The following RTTN variants were observed in gnomAD, a reference collection of about 807,000 sequenced individuals.
RTTN encodes the protein rotatin.
A neutral mutation model predicts 269.2 loss-of-function variants in RTTN; 182 were observed. The ratio of observed to expected loss-of-function variants is 0.68; its 90% CI spans 0.60 to 0.76. The LOEUF is 0.76. Among genes scored for constraint, RTTN ranks in the 30% least tolerant of loss-of-function variants. RTTN has a pLI of 0.00. For synonymous variants in RTTN, 1,006 were observed against 963.5 expected (o/e 1.04, Z -0.82); for missense variants, 2,545 against 2,608.6 (o/e 0.98, Z 0.53).
Position 70,176,701 on chromosome 18 carries a change from G to A in RTTN, c.1450C>T (p.Leu484=). The A allele has an allele frequency of 2.5e-6, 4 of 1,613,762 alleles. No individual in the cohort carries two copies. The highest frequency in any genetic ancestry group is 3.4e-6 in the Non-Finnish European group (4 of 1,179,822). Residue 484 remains leucine, a synonymous_variant, in exon 11 of 49, where the codon CTA becomes TTA. Transcript: ENST00000640769. ...TTTTCAACAGGGAGAAGCGTTTGTA[G>A]CAGTCGAACTGCAAACAGGGAAATG... is the stretch of plus-strand genomic sequence containing the variant. The part of the protein sequence containing the change: ...ISISLFAVRL[L]QTLLPVEKAS...
chr18:70,060,556 C>T (rs1009886299), intron 35 of RTTN, among the ~76,000 whole-genome samples: 3 of 152,146 alleles, frequency 2.0e-5, no homozygotes, highest in African/African-American at 7.2e-5. Flanking sequence ...ATGCTCAAAT[C>T]AAGGTAACTG....
At chr18:70,094,361 T>C (rs1209340204) in intron 28 of RTTN, among the ~76,000 whole-genome samples, 2 of 152,182 alleles carry the variant, frequency 1.3e-5, no homozygotes, top group African/African-American at 4.8e-5. Context: ...TTGTTTGCCA[T>C]TGCTTCTCTA....
intron 37 of RTTN, among the ~76,000 whole-genome samples, chr18:70,054,952 C>G (rs1235733693): frequency 6.6e-6 from 1 of 152,070 alleles, no homozygotes; most frequent in Admixed American, 6.5e-5. Flanking sequence ...CAAAAACACC[C>G]TTCAAAGTGC....
At chr18:70,092,588 G>T in intron 29 of RTTN, 88 bp downstream of exon 29, 1 of 1,437,658 alleles carries the variant, frequency 7.0e-7, no homozygotes, top group Non-Finnish European at 9.4e-7. Flanking sequence ...ATTTTCATGT[G>T]GCAAGTTTAT....
At chr18:70,071,201 T>G (rs1319510908) in intron 34 of RTTN, among the ~76,000 whole-genome samples, 2 of 152,122 alleles carry the variant, frequency 1.3e-5, no homozygotes, top group African/African-American at 4.8e-5. Context: ...TTTTGCAAAA[T>G]AGTAACAATG....
At chr18:70,189,655 T>C (rs1035754379) in intron 9 of RTTN, among the ~76,000 whole-genome samples, 1 of 152,190 alleles carries the variant, frequency 6.6e-6, no homozygotes, top group Non-Finnish European at 1.5e-5. Context: ...CAGGCAAGTT[T>C]CTAAACCACT....
Position 70,049,656 on chromosome 18 carries a change from A to G in RTTN, c.5324-1468T>C, listed in dbSNP as rs373537909. On this transcript the variant is annotated intron_variant, in intron 39 of 48. Coordinates refer to ENST00000640769, the MANE Select transcript of RTTN (RefSeq NM_173630.4). ...AGCTTAAAATAACTCAATTTTGAGT[A>G]CATTTAAGTAGGTTGTTTAAAAAGG... 3.9e-5 allele frequency among the ~76,000 whole-genome samples: 6 copies of G among 152,330 alleles called. No individual in the cohort carries two copies. The East Asian group carries it at 9.6e-4, about 24-fold the overall frequency.
At chr18:70,083,025 T>G (rs1399386882) in intron 32 of RTTN, among the ~76,000 whole-genome samples, 3 of 152,164 alleles carry the variant, frequency 2.0e-5, no homozygotes, top group African/African-American at 2.4e-5. Flanking sequence ...TGAGTTTGAC[T>G]CAAGAACAAG....
intron 26 of RTTN, among the ~76,000 whole-genome samples, chr18:70,120,298 T>C (rs1293563352): frequency 6.6e-6 from 1 of 152,018 alleles, no homozygotes; most frequent in Non-Finnish European, 1.5e-5. Flanking sequence ...ACCCCATAAC[T>C]GTAAGAAATA....
chr18:70,126,579 G>C (rs2059871094), intron 25 of RTTN, among the ~76,000 whole-genome samples: 1 of 152,040 alleles, frequency 6.6e-6, no homozygotes, highest in Admixed American at 6.6e-5. Context: ...ATAACCTCAA[G>C]AACAAAGATA....
At chr18:70,127,942 A>C in intron 24 of RTTN, 1 of 561,314 alleles carries the variant, frequency 1.8e-6, no homozygotes, top group Non-Finnish European at 3.1e-6. Context: ...GTTTATATTG[A>C]CTTTTCCTCC....
chr18:70,196,913 T>A (rs1332499910), intron 6 of RTTN, among the ~76,000 whole-genome samples: 1 of 152,234 alleles, frequency 6.6e-6, no homozygotes, highest in Non-Finnish European at 1.5e-5. Flanking sequence ...GTAACCATTC[T>A]GAGAGAAGAC....
At chr18:70,201,460 T>C (rs2061943830) in intron 4 of RTTN, among the ~76,000 whole-genome samples, 1 of 151,160 alleles carries the variant, frequency 6.6e-6, no homozygotes, top group South Asian at 2.1e-4. Flanking sequence ...TACAAAAAAT[T>C]AGCTGGGCGT....
chr18:70,099,745 A>G (rs1361604110), intron 28 of RTTN, among the ~76,000 whole-genome samples: 1 of 152,104 alleles, frequency 6.6e-6, no homozygotes, highest in East Asian at 1.9e-4. Context: ...TCCATCTTGA[A>G]TTAATTTTTG....
At chr18:70,100,646 T>C (rs2059134779) in intron 28 of RTTN, among the ~76,000 whole-genome samples, 1 of 152,176 alleles carries the variant, frequency 6.6e-6, no homozygotes, top group Non-Finnish European at 1.5e-5. Context: ...GGCATCCCTG[T>C]CTTGTGCCAG....
intron 26 of RTTN, among the ~76,000 whole-genome samples, chr18:70,120,249 C>T (rs889909678): frequency 7.2e-5 from 11 of 152,090 alleles, no homozygotes; most frequent in African/African-American, 2.4e-4. Context: ...TGCAAGAAGG[C>T]TCTCACCAGA....
intron 21 of RTTN, among the ~76,000 whole-genome samples, chr18:70,135,915 G>C (rs1222492648): frequency 6.6e-6 from 1 of 152,124 alleles, no homozygotes; most frequent in South Asian, 2.1e-4. Context: ...TCCCACTTCT[G>C]TAATGATCCC....
chr18:70,029,646 A>G (rs928237180), intron 42 of RTTN, among the ~76,000 whole-genome samples: 2 of 152,224 alleles, frequency 1.3e-5, no homozygotes, highest in African/African-American at 4.8e-5. Flanking sequence ...GCTGACATAT[A>G]GAAAACTCTT....
chr18:70,196,439 G>A, intron 7 of RTTN, 62 bp downstream of exon 7: 2 of 1,448,332 alleles, frequency 1.4e-6, no homozygotes, highest in Non-Finnish European at 1.9e-6. Flanking sequence ...AACTATAATG[G>A]AAGGTTCCCA....
Sources: gnomAD v4.1 joint callset for allele counts (sites outside exome capture counted in the v4.1 genomes callset) on GRCh38, gnomAD v4.1.1 for gene constraint, MANE v1.5 for transcripts, NCBI Gene and HGNC (gene_info 2026-07-23, HGNC 2026-07-21) for gene names.